Variants in RAB8B observed in about 807,000 individuals in gnomAD.
The protein encoded by RAB8B is RAB8B, member RAS oncogene family.
A neutral mutation model predicts 32.0 loss-of-function variants in RAB8B; 11 were observed. The ratio of observed to expected loss-of-function variants is 0.34; its 90% CI spans 0.22 to 0.57. The LOEUF (loss-of-function observed/expected upper bound fraction) is 0.57. RAB8B is among the 20% of genes least tolerant of loss of function. The pLI is 0.86. For synonymous variants in RAB8B, 103 were observed against 89.6 expected (o/e 1.15, Z -0.85); for missense variants, 190 against 258.5 (o/e 0.73, Z 1.82).
At chr15:63,252,852 G>A (rs976106433) in intron 3 of RAB8B, among the ~76,000 whole-genome samples, 15 of 151,440 alleles carry the variant, frequency 9.9e-5, no homozygotes, top group Non-Finnish European at 1.9e-4. Context: ...GGGTTCAAGC[G>A]ATTCTCCTGC....
In RAB8B at chr15:63,267,588, C is replaced by T. The variant is rs1336696151; in HGVS notation, c.*3969C>T. 6.6e-6 allele frequency: 1 copy of T among 152,118 alleles called. No individual in the cohort carries two copies. Among genetic ancestry groups the T allele is most frequent in the Non-Finnish European group, 1.5e-5 (1 of 68,034 alleles). 9.4% of individuals were successfully genotyped at this position (152,118 alleles called of 1,614,324 possible). A position where few individuals can be genotyped will look rare whatever the true frequency, so the allele number is the denominator to read the frequency against. The stretch of plus-strand genomic sequence containing the variant: ...TGTTTAAACATATTTTATTTTTGCT[C>T]CAATGGCTTAATGTGAAAAGCTCCT... On this transcript the variant is annotated 3_prime_UTR_variant, in exon 8 of 8. Coordinates refer to ENST00000321437, the MANE Select transcript of RAB8B (RefSeq NM_016530.3).
chr15:63,219,839 T>C (rs542217740), intron 1 of RAB8B, among the ~76,000 whole-genome samples: 98 of 152,306 alleles, frequency 6.4e-4, no homozygotes, highest in Middle Eastern at 3.4e-3. Flanking sequence ...TAACTGGCTG[T>C]GTTTTTGAGA....
At chr15:63,261,074 C>T (rs935952314) in intron 6 of RAB8B, among the ~76,000 whole-genome samples, 6 of 152,092 alleles carry the variant, frequency 3.9e-5, no homozygotes, top group Non-Finnish European at 8.8e-5. Flanking sequence ...AAAGGATTTC[C>T]CGCCATCAGA....
intron 1 of RAB8B, among the ~76,000 whole-genome samples, chr15:63,228,732 CT>C (rs1016278181): frequency 1.3e-5 from 2 of 152,096 alleles, no homozygotes; most frequent in Non-Finnish European, 2.9e-5. Flanking sequence ...TTTTTTTGTG[CT>C]TTTTTTCCCA....
At chr15:63,205,148 AAGTTAGC>A (rs2037687676) in intron 1 of RAB8B, among the ~76,000 whole-genome samples, 1 of 152,144 alleles carries the variant, frequency 6.6e-6, no homozygotes, top group African/African-American at 2.4e-5. Flanking sequence ...AATACAAAAA[AAGTTAGC>A]AGGGCATGAT....
chr15:63,246,606 A>G (rs2038074457), intron 2 of RAB8B, among the ~76,000 whole-genome samples: 1 of 152,202 alleles, frequency 6.6e-6, no homozygotes, highest in Non-Finnish European at 1.5e-5. Context: ...CTCTCCAAGA[A>G]CATCCAGCAC....
rs372673793 is a variant in RAB8B, at chr15:63,267,144, T to G, written c.*3525T>G. On this transcript the variant is annotated 3_prime_UTR_variant, in exon 8 of 8. Coordinates refer to ENST00000321437, the MANE Select transcript of RAB8B (RefSeq NM_016530.3). ...CCTAGACGGACAGGATATGCTAAAA[T>G]AATTTCAAATTCTAGCACAATTTTA... 3.9e-5 allele frequency: 6 copies of G among 152,676 alleles called. No individual in the cohort carries two copies. Among genetic ancestry groups the G allele is most frequent in the East Asian group, 1.9e-4 (1 of 5,188 alleles). 9.5% of individuals were successfully genotyped at this position (152,676 alleles called of 1,614,324 possible).
Position 63,235,586 on chromosome 15 carries a change from A to G in RAB8B, c.125-9170A>G, listed in dbSNP as rs553021484. Among the ~76,000 whole-genome samples, 6 of 151,748 alleles carry G rather than the reference A, an allele frequency of 4.0e-5. No individual in the cohort carries two copies. In the South Asian group the frequency reaches 1.2e-3, roughly 32 times the overall value. On this transcript the variant is annotated intron_variant, in intron 1 of 7. Coordinates refer to ENST00000321437, the MANE Select transcript of RAB8B (RefSeq NM_016530.3). The stretch of plus-strand genomic sequence containing the variant: ...CCTCTTCCATTTCTCTCTAGAGGTA[A>G]CATTGAGTATTATCCTTAATTTGTT...
intron 1 of RAB8B, among the ~76,000 whole-genome samples, chr15:63,222,217 C>CCAGTGACTCTGTCTT (rs2037850352): frequency 6.6e-6 from 1 of 152,166 alleles, no homozygotes; most frequent in Admixed American, 6.5e-5. Context: ...TGGTTCTTGT[C>CCAGTGACTCTGTCTT]CAGTGACTCT....
chr15:63,232,998 C>T (rs887790851), intron 1 of RAB8B, among the ~76,000 whole-genome samples: 3 of 149,614 alleles, frequency 2.0e-5, no homozygotes, highest in South Asian at 2.1e-4. Context: ...ACTTATGCGA[C>T]GTATATTTAT....
At chr15:63,233,168 G>A (rs891939087) in intron 1 of RAB8B, among the ~76,000 whole-genome samples, 5 of 149,906 alleles carry the variant, frequency 3.3e-5, no homozygotes, top group Non-Finnish European at 7.4e-5. Flanking sequence ...CAAGCTATCC[G>A]CTCACTTCAG....
At chr15:63,237,791 C>T (rs927834977) in intron 1 of RAB8B, among the ~76,000 whole-genome samples, 5 of 152,094 alleles carry the variant, frequency 3.3e-5, no homozygotes, top group African/African-American at 9.7e-5. Flanking sequence ...CAGGGTATTA[C>T]TGTAGAAATA....
chr15:63,201,262 G>A (rs772046168), intron 1 of RAB8B, among the ~76,000 whole-genome samples: 13 of 152,294 alleles, frequency 8.5e-5, no homozygotes, highest in African/African-American at 2.6e-4. Context: ...GTAAATCTCC[G>A]TGTTATGAAA....
chr15:63,260,611 C>T (rs2038194910), intron 6 of RAB8B, among the ~76,000 whole-genome samples: 1 of 151,998 alleles, frequency 6.6e-6, no homozygotes, highest in African/African-American at 2.4e-5. Context: ...TTGCAGAAAA[C>T]CACCATGGCA....
Position 63,263,583 on chromosome 15 carries a change from A to G in RAB8B, c.588A>G (p.Ser196=), listed in dbSNP as rs944087764. 5.6e-6 allele frequency: 9 copies of G among 1,612,652 alleles called. No individual in the cohort carries two copies. Among genetic ancestry groups the G allele is most frequent in the Non-Finnish European group, 7.6e-6 (9 of 1,178,712 alleles). The change falls in exon 8 of 8, where the codon TCA becomes TCG. Residue 196 remains serine (S), a synonymous_variant. Transcript: ENST00000321437. ...CAGTGAAAATAACAGAAAACCGATC[A>G]AAGAAGACCAGTTTCTTTCGTTGCT... ...GGPVKITENR[S]KKTSFFRCSL... is the part of the protein sequence containing the mutation.
At chr15:63,243,004 G>A (rs1455855295) in intron 1 of RAB8B, among the ~76,000 whole-genome samples, 1 of 152,194 alleles carries the variant, frequency 6.6e-6, no homozygotes, top group Non-Finnish European at 1.5e-5. Flanking sequence ...CGGGAGCTGT[G>A]AGCATGTTTT....
At chr15:63,219,899 G>A (rs1421112426) in intron 1 of RAB8B, among the ~76,000 whole-genome samples, 1 of 152,000 alleles carries the variant, frequency 6.6e-6, no homozygotes, top group African/African-American at 2.4e-5. Context: ...TTGGTTTTCT[G>A]CTTTCTACTC....
Position 63,228,490 on chromosome 15 carries a change from G to T in RAB8B, c.125-16266G>T, listed in dbSNP as rs2037907599. ...TTCTGCAAATGATGCCTTTCCTCCTGGATTTGTTTCTGCAGATGGTCATAA... is the reference window on the plus strand; with the variant it reads ...TTCTGCAAATGATGCCTTTCCTCCTTGATTTGTTTCTGCAGATGGTCATAA... On this transcript the variant is annotated intron_variant, in intron 1 of 7. Coordinates refer to ENST00000321437, the MANE Select transcript of RAB8B (RefSeq NM_016530.3). Among the ~76,000 whole-genome samples the T allele has an allele frequency of 2.6e-5, 4 of 152,200 alleles. No individual in the cohort carries two copies. The South Asian group carries it at 6.2e-4, about 24-fold the overall frequency.
At chr15:63,249,846 T>A (rs906130484) in intron 3 of RAB8B, 141 bp downstream of exon 3, 1 of 935,830 alleles carries the variant, frequency 1.1e-6, no homozygotes, top group South Asian at 1.7e-5. Context: ...ATTTAAAAGG[T>A]TTTTTGGGGG....
Sources: allele counts gnomAD v4.1 joint callset (sites outside exome capture counted in the v4.1 genomes callset), GRCh38; gene constraint gnomAD v4.1.1; transcripts MANE v1.5; gene names NCBI Gene and HGNC (gene_info 2026-07-23, HGNC 2026-07-21).